APBA2: variants seen among roughly 807,000 people sequenced by gnomAD.
APBA2 encodes amyloid beta precursor protein binding family A member 2.
APBA2 carries 30 observed loss-of-function variants against 75.0 expected under a neutral mutation model. The observed-to-expected ratio is 0.40, with a 90% CI of 0.30 to 0.54. APBA2 has a LOEUF of 0.54. APBA2 is among the 20% of genes least tolerant of loss of function. The pLI is 0.49. For missense variants in APBA2, 801 were observed against 1,016.1 expected (o/e 0.79, Z 2.88); for synonymous variants, 444 against 409.6 (o/e 1.08, Z -1.01).
chr15:28,969,671 A>G (rs1469097309), intron 2 of APBA2, among the ~76,000 whole-genome samples: 1 of 151,998 alleles, frequency 6.6e-6, no homozygotes, highest in African/African-American at 2.4e-5. Flanking sequence ...AGGTGTCCGG[A>G]GTTGGAGGTG....
Position 29,102,915 on chromosome 15 carries a change from A to G in APBA2, c.1524+1131A>G, listed in dbSNP as rs1252504190. 5.3e-5 allele frequency among the ~76,000 whole-genome samples: 8 copies of G among 151,834 alleles called. No homozygotes were observed. The East Asian group carries it at 1.4e-3, about 26-fold the overall frequency. On this transcript the variant is annotated intron_variant, in intron 10 of 14. Transcript: ENST00000683413. ...GCATGGAAACTGAAGACAGGGTTCA[A>G]ACCTTTGGCTGGCGCAGTCATCTTC...
At chr15:28,922,877 G>A (rs1025830520) in intron 2 of APBA2, among the ~76,000 whole-genome samples, 7 of 152,208 alleles carry the variant, frequency 4.6e-5, no homozygotes, top group Admixed American at 2.6e-4. Flanking sequence ...CATGCACCGT[G>A]CTGAGGAAGC....
chr15:29,113,147 G>A lies in APBA2; in HGVS notation c.2038-729G>A, dbSNP rs1054774207. ...GTGAACACTGCTGCTGTGAACACGG[G>A]TGTGCACGGCGCCTGTTTTCCATTC... On this transcript the variant is annotated intron_variant, in intron 13 of 14. Coordinates refer to ENST00000683413, the MANE Select transcript of APBA2 (RefSeq NM_001353788.2). Among the ~76,000 whole-genome samples the A allele has an allele frequency of 3.9e-5, 6 of 152,210 alleles. No individual in the cohort carries two copies. The South Asian group carries it at 8.3e-4, about 21-fold the overall frequency.
chr15:29,075,069 T>G lies in APBA2; in HGVS notation c.1032+68T>G, dbSNP rs994191088. 43 of 1,148,256 alleles carry G rather than the reference T, an allele frequency of 3.7e-5. No individual in the cohort carries two copies. In the African/African-American group the frequency reaches 3.8e-4, roughly 10 times the overall value. 71.1% of individuals were successfully genotyped at this position (1,148,256 alleles called of 1,614,324 possible). ...TCTAATGATGGAGTGGCCCACCGAGTTGTGGTCTGCTCACTTTGTCCATGA... is the reference window on the plus strand; with the variant it reads ...TCTAATGATGGAGTGGCCCACCGAGGTGTGGTCTGCTCACTTTGTCCATGA... On this transcript the variant is annotated intron_variant, in intron 5 of 14. Transcript: ENST00000683413.
intron 1 of APBA2, among the ~76,000 whole-genome samples, chr15:28,888,469 A>T (rs1300449910): frequency 1.3e-5 from 2 of 151,418 alleles, no homozygotes; most frequent in Non-Finnish European, 2.9e-5. Flanking sequence ...GGCTTCAGAG[A>T]CCCCCTCGAG....
At chr15:28,950,626 CAA>C (rs200506534) in intron 2 of APBA2, among the ~76,000 whole-genome samples, 5 of 131,608 alleles carry the variant, frequency 3.8e-5, no homozygotes, top group African/African-American at 2.7e-5. Flanking sequence ...GATTCTGTCT[CAA>C]AAAAAAAAAA....
Position 29,106,683 on chromosome 15 carries a change from C to T in APBA2, c.1781C>T (p.Thr594Met), listed in dbSNP as rs747910571. ...VESGWGSILP[T>M]VILANMMNGG... ...TCGGGCTGGGGCTCCATCCTGCCCACGGTGATCCTGGCCAACATGATGAAT... is the reference window on the plus strand; with the variant it reads ...TCGGGCTGGGGCTCCATCCTGCCCATGGTGATCCTGGCCAACATGATGAAT... Residue 594 changes from threonine to methionine, a missense_variant, in exon 12 of 15, where the codon ACG becomes ATG. Around this residue, in one of 2 missense-constraint regions of APBA2, gnomAD observed 367 missense variants for 544.5 expected, o/e 0.67. Transcript: ENST00000683413. 14 of 1,613,046 alleles carry T rather than the reference C, an allele frequency of 8.7e-6. No homozygotes were observed. Among genetic ancestry groups the T allele is most frequent in the Admixed American group, 3.3e-5 (2 of 60,024 alleles).
At chr15:29,004,461 A>G (rs1255033253) in intron 3 of APBA2, among the ~76,000 whole-genome samples, 1 of 152,190 alleles carries the variant, frequency 6.6e-6, no homozygotes, top group Non-Finnish European at 1.5e-5. Context: ...ACATTGGTGT[A>G]GCACCGTGGT....
At chr15:29,055,531 T>G (rs1316115187) in intron 4 of APBA2, among the ~76,000 whole-genome samples, 1 of 152,234 alleles carries the variant, frequency 6.6e-6, no homozygotes, top group Non-Finnish European at 1.5e-5. Flanking sequence ...AAAGCCTCAC[T>G]GTGAGTATAT....
chr15:28,888,476 C>T (rs1239860823), intron 1 of APBA2, among the ~76,000 whole-genome samples: 5 of 152,104 alleles, frequency 3.3e-5, no homozygotes, highest in African/African-American at 9.7e-5. Flanking sequence ...GAGACCCCCT[C>T]GAGGCCTCAG....
intron 1 of APBA2, among the ~76,000 whole-genome samples, chr15:28,913,078 G>C (rs1428879697): frequency 6.6e-6 from 1 of 152,218 alleles, no homozygotes; most frequent in East Asian, 1.9e-4. Flanking sequence ...ATATAAAGCA[G>C]CATGTGTCTG....
At position 29,008,983 on chromosome 15, in the gene APBA2, G is replaced by A. The variant is rs200354444; in HGVS notation, c.-41+13177G>A. Among the ~76,000 whole-genome samples the A allele has an allele frequency of 2.6e-5, 4 of 152,342 alleles. No individual in the cohort carries two copies. In the East Asian group the frequency reaches 5.8e-4, roughly 22 times the overall value. On this transcript the variant is annotated intron_variant, in intron 3 of 14. Coordinates refer to ENST00000683413, the MANE Select transcript of APBA2 (RefSeq NM_001353788.2). ...GGGTGTGTATGTGCAGGGGAGAGAA[G>A]CCGGCAGGCTCTTCCTCCCAGATGC... is the stretch of plus-strand genomic sequence containing the variant.
intron 2 of APBA2, among the ~76,000 whole-genome samples, chr15:28,947,980 A>G (rs1275149659): frequency 1.3e-5 from 2 of 152,242 alleles, no homozygotes; most frequent in Non-Finnish European, 2.9e-5. Flanking sequence ...ACTCAGAGCC[A>G]AGTCGTGGCT....
intron 3 of APBA2, among the ~76,000 whole-genome samples, chr15:29,041,729 T>C (rs1052672469): frequency 6.6e-6 from 1 of 152,092 alleles, no homozygotes. Context: ...CAATCAAATT[T>C]CCAGCAGGAT....
intron 2 of APBA2, among the ~76,000 whole-genome samples, chr15:28,943,644 G>C (rs1041598122): frequency 6.6e-6 from 1 of 152,178 alleles, no homozygotes; most frequent in Non-Finnish European, 1.5e-5. Flanking sequence ...TTTTCACTCA[G>C]CACTGAGTAC....
Position 29,005,832 on chromosome 15 carries a change from C to T in APBA2, c.-41+10026C>T, listed in dbSNP as rs538520500. Reference sequence around the variant, plus strand: ...TGAGCCGAGATCATGCCACTGCACTCCAACCTGGGCAACAGAGCGAGACTC... The same window carrying T: ...TGAGCCGAGATCATGCCACTGCACTTCAACCTGGGCAACAGAGCGAGACTC... On this transcript the variant is annotated intron_variant, in intron 3 of 14. Transcript: ENST00000683413. 1.5e-3 allele frequency among the ~76,000 whole-genome samples: 233 copies of T among 152,094 alleles called. 2 individuals carry two copies. Among genetic ancestry groups the T allele is most frequent in the Middle Eastern group, 6.8e-3 (2 of 294 alleles).
At chr15:28,931,592 CT>C (rs1462958642) in intron 2 of APBA2, among the ~76,000 whole-genome samples, 2 of 152,166 alleles carry the variant, frequency 1.3e-5, no homozygotes, top group Non-Finnish European at 2.9e-5. Context: ...AAGCATCTGG[CT>C]TTGCACAGGT....
At chr15:29,062,310 G>A (rs1167561314) in intron 4 of APBA2, among the ~76,000 whole-genome samples, 1 of 152,186 alleles carries the variant, frequency 6.6e-6, no homozygotes, top group African/African-American at 2.4e-5. Flanking sequence ...CCTGTCGTCT[G>A]TACTGAACCC....
At chr15:28,998,335 A>G (rs535348743) in intron 3 of APBA2, among the ~76,000 whole-genome samples, 3 of 152,256 alleles carry the variant, frequency 2.0e-5, no homozygotes, top group African/African-American at 7.2e-5. Flanking sequence ...GGAACACAGA[A>G]AAGATTAATA....
Sources: gnomAD v4.1 joint callset for allele counts (sites outside exome capture counted in the v4.1 genomes callset) on GRCh38, gnomAD v4.1.1 for gene constraint, gnomAD v4.1.1 regional missense constraint, MANE v1.5 for transcripts, NCBI Gene and HGNC (gene_info 2026-07-23, HGNC 2026-07-21) for gene names.